GPRIN3: variants seen among roughly 807,000 people sequenced by gnomAD.
GPRIN3 encodes the protein GPRIN family member 3.
GPRIN3 carries 12 observed loss-of-function variants against 13.7 expected under a neutral mutation model. The observed-to-expected ratio is 0.87, with a 90% confidence interval of 0.56 to 1.42. GPRIN3 has a LOEUF of 1.42. Among genes scored for constraint, GPRIN3 ranks in the 40% most tolerant of loss-of-function variants. The pLI, the probability that GPRIN3 is intolerant of heterozygous loss-of-function variation, is 0.00. For synonymous variants in GPRIN3, 377 were observed against 372.7 expected (o/e 1.01, Z -0.13); for missense variants, 1,009 against 958.7 (o/e 1.05, Z -0.69).
chr4:89,269,553 T>C (rs1489364972), intron 1 of GPRIN3, among the ~76,000 whole-genome samples: 1 of 152,198 alleles, frequency 6.6e-6, no homozygotes, highest in Non-Finnish European at 1.5e-5. Context: ...GTGAAATTTA[T>C]TACAGAAATT....
At chr4:89,255,029 T>G (rs1050562458) in intron 1 of GPRIN3, among the ~76,000 whole-genome samples, 2 of 152,198 alleles carry the variant, frequency 1.3e-5, no homozygotes, top group African/African-American at 4.8e-5. Flanking sequence ...CTACACTTGT[T>G]AACATTACTT....
At chr4:89,283,528 AC>A (rs1027643845) in intron 1 of GPRIN3, among the ~76,000 whole-genome samples, 2 of 152,162 alleles carry the variant, frequency 1.3e-5, no homozygotes, top group African/African-American at 4.8e-5. Flanking sequence ...GCCAGTCCTC[AC>A]CTTCAGGAAG....
In GPRIN3 at chr4:89,247,954, T is replaced by C. The variant is rs1490645961; in HGVS notation, c.2157A>G (p.Glu719=). ...TTTGAGTTTTGATTAATTTCTCATG[T>C]TCCCTGATTTGTCTTTGCAAATGGT... ...IQNHLQRQIR[E]HEKLIKTQNS... Residue 719 remains glutamate, a synonymous_variant, in exon 2 of 2, where the codon GAA becomes GAG. Coordinates refer to ENST00000609438, the MANE Select transcript of GPRIN3 (RefSeq NM_198281.3). 4 of 1,614,202 alleles carry C rather than the reference T, an allele frequency of 2.5e-6. No individual in the cohort carries two copies. Among genetic ancestry groups the C allele is most frequent in the Admixed American group, 3.3e-5 (2 of 60,026 alleles).
chr4:89,266,753 A>G (rs999660832), intron 1 of GPRIN3, among the ~76,000 whole-genome samples: 2 of 152,330 alleles, frequency 1.3e-5, no homozygotes, highest in East Asian at 3.9e-4. Flanking sequence ...CAAAACTCCA[A>G]TCAATGGATC....
chr4:89,270,565 T>TTATATATATATATATATATATATATATA (rs1199230242), intron 1 of GPRIN3, among the ~76,000 whole-genome samples: 1 of 82,346 alleles, frequency 1.2e-5, no homozygotes, highest in Non-Finnish European at 2.2e-5. Flanking sequence ...TGTATATAAT[T>TTATATATATATATATATATATATATATA]TATATATATA....
intron 1 of GPRIN3, among the ~76,000 whole-genome samples, chr4:89,278,505 C>T (rs1724156088): frequency 6.6e-6 from 1 of 152,104 alleles, no homozygotes; most frequent in Admixed American, 6.6e-5. Context: ...TAAAATGTTA[C>T]TAATTTGGAA....
chr4:89,289,733 G>T (rs1246902354), intron 1 of GPRIN3, among the ~76,000 whole-genome samples: 1 of 152,098 alleles, frequency 6.6e-6, no homozygotes, highest in Non-Finnish European at 1.5e-5. Context: ...ATGAGGCACA[G>T]CTGCCTCAGA....
At chr4:89,282,949 G>A (rs914891012) in intron 1 of GPRIN3, among the ~76,000 whole-genome samples, 1 of 152,128 alleles carries the variant, frequency 6.6e-6, no homozygotes, top group Non-Finnish European at 1.5e-5. Flanking sequence ...CCACACATGC[G>A]ATTATGTTAC....
At chr4:89,289,279 C>T (rs894802470) in intron 1 of GPRIN3, among the ~76,000 whole-genome samples, 5 of 151,650 alleles carry the variant, frequency 3.3e-5, no homozygotes, top group African/African-American at 9.7e-5. Context: ...CTGCCAGGGT[C>T]CCAAATAATA....
chr4:89,279,820 G>A (rs930567913), intron 1 of GPRIN3, among the ~76,000 whole-genome samples: 1 of 152,016 alleles, frequency 6.6e-6, no homozygotes, highest in African/African-American at 2.4e-5. Flanking sequence ...CCTAAATGTT[G>A]GCATTTTCCA....
intron 1 of GPRIN3, among the ~76,000 whole-genome samples, chr4:89,267,534 C>A (rs572692216): frequency 6.6e-6 from 1 of 152,284 alleles, no homozygotes; most frequent in Admixed American, 6.5e-5. Flanking sequence ...CATGGAGGCA[C>A]ATGATGCATC....
chr4:89,248,515 T>G lies in GPRIN3; in HGVS notation c.1596A>C (p.Lys532Asn). 1 of 1,613,388 alleles carries G rather than the reference T, an allele frequency of 6.2e-7. No homozygotes were observed. The highest frequency in any genetic ancestry group is 8.5e-7 in the Non-Finnish European group (1 of 1,179,544). The change falls in exon 2 of 2, where the codon AAA becomes AAC. Residue 532 changes from lysine (K) to asparagine (N), a missense_variant. Physicochemically the swap from Lys to Asn is moderately conservative, Grantham distance 94. Coordinates refer to ENST00000609438, the MANE Select transcript of GPRIN3 (RefSeq NM_198281.3). ...CAGGCTTCTTTTCCCTTGCATCTCC[T>G]TTATTAGTGGGATCCAAGCTCCCAG... ...DHSGSLDPTNKGDAREKKPAS... is the reference protein window; with the variant it reads ...DHSGSLDPTNNGDAREKKPAS...
At chr4:89,254,991 T>C (rs28425608) in intron 1 of GPRIN3, among the ~76,000 whole-genome samples, 2,084 of 152,328 alleles carry the variant, frequency 0.014, 41 homozygotes, top group African/African-American at 0.048. Flanking sequence ...TTGACGGGCG[T>C]GGACTCTCCA....
At position 89,250,246 on chromosome 4, in the gene GPRIN3, G is replaced by C. The variant is rs919794993; in HGVS notation, c.-123-13C>G. ...CTGAAGAACCAGCCTGTGAATCAAG[G>C]AAACAGCATCATTAATACAGTACGT... is the stretch of plus-strand genomic sequence containing the variant. On this transcript the variant is annotated splice_polypyrimidine_tract_variant and intron_variant, in intron 1 of 1. Coordinates refer to ENST00000609438, the MANE Select transcript of GPRIN3 (RefSeq NM_198281.3). 1 of 1,487,454 alleles carries C rather than the reference G, an allele frequency of 6.7e-7. No homozygotes were observed. The highest frequency in any genetic ancestry group is 1.4e-5 in the African/African-American group (1 of 71,226). The allele number at this position is 1,487,454 out of a possible 1,614,324, so 92.1% of individuals were successfully genotyped here.
intron 1 of GPRIN3, among the ~76,000 whole-genome samples, chr4:89,254,540 T>G (rs1263458968): frequency 6.6e-6 from 1 of 152,234 alleles, no homozygotes; most frequent in Non-Finnish European, 1.5e-5. Context: ...TCCATGTTTC[T>G]GCAAAAGACA....
Position 89,294,012 on chromosome 4 carries a change from C to T in GPRIN3, c.-124+13603G>A, listed in dbSNP as rs576635306. 2.6e-3 allele frequency among the ~76,000 whole-genome samples: 400 copies of T among 152,174 alleles called. 3 individuals carry two copies. Among genetic ancestry groups the T allele is most frequent in the African/African-American group, 9.3e-3 (385 of 41,498 alleles). ...AGCCTAAGTATGTTATTTTATTCTC[C>T]CTTGTTTTGGGGATAGGGACTTGGA... On this transcript the variant is annotated intron_variant, in intron 1 of 1. Coordinates refer to ENST00000609438, the MANE Select transcript of GPRIN3 (RefSeq NM_198281.3).
Position 89,247,805 on chromosome 4 carries a change from G to A in GPRIN3, c.2306C>T (p.Pro769Leu), listed in dbSNP as rs1285244630. 1.2e-6 allele frequency: 2 copies of A among 1,613,120 alleles called. No homozygotes were observed. Among genetic ancestry groups the A allele is most frequent in the Admixed American group, 3.3e-5 (2 of 59,982 alleles). Residue 769 changes from proline (P) to leucine (L), a missense_variant, in exon 2 of 2, where the codon CCT (proline) becomes CTT (leucine). Coordinates refer to ENST00000609438, the MANE Select transcript of GPRIN3 (RefSeq NM_198281.3). The part of the protein sequence containing the change: ...NFRRPNCCVR[P>L]APSSVLD ...TCAATCTAACACAGAAGACGGGGCA[G>A]GACGGACGCAGCAGTTGGGGCGTCG... is the stretch of plus-strand genomic sequence containing the variant.
chr4:89,303,416 T>C (rs1724952238), intron 1 of GPRIN3, among the ~76,000 whole-genome samples: 1 of 152,152 alleles, frequency 6.6e-6, no homozygotes. Flanking sequence ...AACATTCAAC[T>C]GAACAAGGCC....
rs1724010056 is a variant in GPRIN3 at position 89,273,346 on chromosome 4, C to T, written c.-123-23113G>A. ...CAGATTTATGGCAACAGAGCCTCAC[C>T]ACTCCTACCTCTGTAATTGCTAGAA... On this transcript the variant is annotated intron_variant, in intron 1 of 1. Transcript: ENST00000609438. 3.9e-5 allele frequency among the ~76,000 whole-genome samples: 6 copies of T among 152,148 alleles called. No individual in the cohort carries two copies. In the South Asian group the frequency reaches 1.2e-3, roughly 32 times the overall value.
Sources: allele counts gnomAD v4.1 joint callset (sites outside exome capture counted in the v4.1 genomes callset), GRCh38; gene constraint gnomAD v4.1.1; transcripts MANE v1.5; gene names NCBI Gene and HGNC (gene_info 2026-07-23, HGNC 2026-07-21).